The following GALNTL6 variants were observed in gnomAD, a reference collection of about 807,000 sequenced individuals.
The protein encoded by GALNTL6 is polypeptide N-acetylgalactosaminyltransferase like 6.
In GALNTL6, 46 loss-of-function variants were observed where a neutral mutation model predicts 73.7. The observed-to-expected ratio is 0.62, with a 90% CI of 0.49 to 0.80. The LOEUF is 0.80. Among genes scored for constraint, GALNTL6 ranks in the 30% least tolerant of loss-of-function variants. The pLI is 0.00. For missense variants in GALNTL6, 604 were observed against 755.0 expected, an observed-to-expected ratio of 0.80 and a Z score of 2.34; for synonymous variants, 259 against 263.7, an observed-to-expected ratio of 0.98 and a Z score of 0.17.
chr4:172,893,918 A>C (rs565689915), intron 8 of GALNTL6, among the ~76,000 whole-genome samples: 4 of 152,266 alleles, frequency 2.6e-5, no homozygotes, highest in African/African-American at 9.6e-5. Context: ...GGGAGTGTGG[A>C]GTCCCGGAGC....
intron 2 of GALNTL6, among the ~76,000 whole-genome samples, chr4:172,174,319 A>G (rs1174459566): frequency 6.6e-6 from 1 of 152,220 alleles, no homozygotes; most frequent in Admixed American, 6.5e-5. Flanking sequence ...CGGTCTATGT[A>G]TAGCGGTGTC....
intron 5 of GALNTL6, among the ~76,000 whole-genome samples, chr4:172,805,102 C>A (rs1740877462): frequency 6.6e-6 from 1 of 152,140 alleles, no homozygotes; most frequent in Admixed American, 6.5e-5. Flanking sequence ...CAGTCATACA[C>A]CCTTCATCTT....
At chr4:171,972,267 A>G (rs1739595303) in intron 2 of GALNTL6, among the ~76,000 whole-genome samples, 2 of 152,156 alleles carry the variant, frequency 1.3e-5, no homozygotes, top group Non-Finnish European at 2.9e-5. Flanking sequence ...TGTATTTTAT[A>G]TATTTTCTTT....
intron 7 of GALNTL6, among the ~76,000 whole-genome samples, chr4:172,870,660 C>A (rs1403984299): frequency 6.6e-6 from 1 of 152,218 alleles, no homozygotes; most frequent in Non-Finnish European, 1.5e-5. Flanking sequence ...GCAGTGTGAG[C>A]TACAGAGCAA....
intron 7 of GALNTL6, among the ~76,000 whole-genome samples, chr4:172,862,590 C>T (rs564675861): frequency 6.6e-6 from 1 of 152,260 alleles, no homozygotes; most frequent in African/African-American, 2.4e-5. Flanking sequence ...GTCCCAGCTA[C>T]TCAGGAGGCT....
chr4:172,542,615 A>G (rs920273092), intron 5 of GALNTL6, among the ~76,000 whole-genome samples: 1 of 152,096 alleles, frequency 6.6e-6, no homozygotes, highest in African/African-American at 2.4e-5. Context: ...CTGACTAGCT[A>G]CATACTCTAA....
intron 4 of GALNTL6, among the ~76,000 whole-genome samples, chr4:172,314,551 C>T (rs928879119): frequency 2.1e-5 from 3 of 140,378 alleles, no homozygotes; most frequent in African/African-American, 7.9e-5. Flanking sequence ...TTCTAGTACA[C>T]AATGAAGAAT....
chr4:172,979,415 A>C (rs1750977248), intron 10 of GALNTL6, among the ~76,000 whole-genome samples: 1 of 152,256 alleles, frequency 6.6e-6, no homozygotes, highest in Non-Finnish European at 1.5e-5. Flanking sequence ...GTTACATAAA[A>C]TAAGAAAACT....
chr4:173,029,483 T>C (rs1273024100), intron 12 of GALNTL6, among the ~76,000 whole-genome samples: 2 of 152,230 alleles, frequency 1.3e-5, no homozygotes, highest in African/African-American at 4.8e-5. Context: ...GAGAGTAACA[T>C]GATTCCCAGA....
intron 5 of GALNTL6, among the ~76,000 whole-genome samples, chr4:172,556,930 T>C (rs11938894): frequency 0.017 from 2,588 of 152,234 alleles, 68 homozygotes; most frequent in African/African-American, 0.059. Flanking sequence ...ACTAGACTAT[T>C]AGGAAGTAGA....
rs556085792 is a variant in GALNTL6 at position 172,742,393 on chromosome 4, C to A, written c.554-66968C>A. ...TTTCCTGAATAGTCCAAACCAATCA[C>A]CCCAGCCTGTAAAGTACCTCTCTTC... On this transcript the variant is annotated intron_variant, in intron 5 of 12. Transcript: ENST00000506823. Among the ~76,000 whole-genome samples the A allele has an allele frequency of 2.0e-5, 3 of 151,548 alleles. No individual in the cohort carries two copies. The South Asian group carries it at 6.2e-4, about 32-fold the overall frequency.
Position 172,051,842 on chromosome 4 carries a change from C to G in GALNTL6, c.139-177814C>G, listed in dbSNP as rs142923134. On this transcript the variant is annotated intron_variant, in intron 2 of 12. Coordinates refer to ENST00000506823, the MANE Select transcript of GALNTL6 (RefSeq NM_001034845.3). ...TCTTGTACTCAGTATTTCCCTGTCT[C>G]CTGTCCATATCATTAGTTTTCTGAC... is the stretch of plus-strand genomic sequence containing the variant. 2.9e-3 allele frequency among the ~76,000 whole-genome samples: 436 copies of G among 152,218 alleles called. 1 individual carries two copies. Among genetic ancestry groups the G allele is most frequent in the African/African-American group, 0.01 (422 of 41,550 alleles).
chr4:172,396,900 C>T (rs553620191), intron 5 of GALNTL6, among the ~76,000 whole-genome samples: 1 of 152,280 alleles, frequency 6.6e-6, no homozygotes, highest in Admixed American at 6.5e-5. Context: ...AATAGCAAAA[C>T]ATCCATCATT....
At chr4:172,339,215 T>C (rs1436507965) in intron 4 of GALNTL6, among the ~76,000 whole-genome samples, 2 of 150,518 alleles carry the variant, frequency 1.3e-5, no homozygotes, top group African/African-American at 2.5e-5. Context: ...TACCTTCATC[T>C]CAGGGGAGCA....
At chr4:172,002,196 C>A (rs866906713) in intron 2 of GALNTL6, among the ~76,000 whole-genome samples, 1 of 152,288 alleles carries the variant, frequency 6.6e-6, no homozygotes, top group East Asian at 1.9e-4. Flanking sequence ...ATTGAATTTT[C>A]TTGGTCCCTA....
chr4:173,005,513 T>C (rs1752237323), intron 10 of GALNTL6, among the ~76,000 whole-genome samples: 1 of 99,674 alleles, frequency 1.0e-5, no homozygotes, highest in Admixed American at 1.3e-4. Context: ...ATCATAAGTG[T>C]TCTTGTCTAC....
intron 3 of GALNTL6, among the ~76,000 whole-genome samples, chr4:172,253,676 G>T (rs1247886198): frequency 2.0e-5 from 3 of 151,924 alleles, no homozygotes; most frequent in Admixed American, 6.6e-5. Flanking sequence ...CATTGTGATG[G>T]TAATAGACGT....
intron 7 of GALNTL6, among the ~76,000 whole-genome samples, chr4:172,822,902 TA>T (rs1742020338): frequency 1.3e-5 from 2 of 152,350 alleles, no homozygotes; most frequent in South Asian, 4.1e-4. Flanking sequence ...GTCCCTTCCC[TA>T]CCCTTAAGAT....
chr4:172,877,111 C>T (rs1295427356), intron 7 of GALNTL6, among the ~76,000 whole-genome samples: 1 of 152,150 alleles, frequency 6.6e-6, no homozygotes, highest in Admixed American at 6.5e-5. Flanking sequence ...TTGGTAGTCT[C>T]CTTTAGTTTA....
Sources: allele counts gnomAD v4.1 joint callset (sites outside exome capture counted in the v4.1 genomes callset), GRCh38; gene constraint gnomAD v4.1.1; transcripts MANE v1.5; gene names NCBI Gene and HGNC (gene_info 2026-07-23, HGNC 2026-07-21).